The following CLASP1 variants were observed in gnomAD, a reference collection of about 807,000 sequenced individuals.
CLASP1 encodes the protein cytoplasmic linker associated protein 1, also known as CLIP-associating protein 1.
In CLASP1, 38 loss-of-function variants were observed where a neutral mutation model predicts 192.3. The observed-to-expected ratio is 0.20, with a 90% confidence interval of 0.15 to 0.26. The LOEUF is 0.26. Among genes scored for constraint, CLASP1 ranks in the 10% least tolerant of loss-of-function variants. CLASP1 has a pLI of 1.00. For missense variants in CLASP1, 1,433 were observed against 1,932.5 expected (o/e 0.74, Z 4.85); for synonymous variants, 691 against 712.8 (o/e 0.97, Z 0.49).
At chr2:121,638,223 T>C (rs2071270940) in intron 1 of CLASP1, among the ~76,000 whole-genome samples, 1 of 151,984 alleles carries the variant, frequency 6.6e-6, no homozygotes, top group African/African-American at 2.4e-5. Context: ...CCTAACAACT[T>C]AGTCATTAGG....
intron 11 of CLASP1, 123 bp from the exon 12 acceptor site, chr2:121,460,248 C>A: frequency 1.4e-6 from 1 of 709,882 alleles, no homozygotes; most frequent in Non-Finnish European, 2.2e-6. Flanking sequence ...GAAAGCTTTC[C>A]CAAAAGAATT....
At chr2:121,352,606 T>C (rs2064696410) in intron 37 of CLASP1, among the ~76,000 whole-genome samples, 1 of 152,196 alleles carries the variant, frequency 6.6e-6, no homozygotes, top group Admixed American at 6.5e-5. Context: ...GGCAAAAAAC[T>C]TCCTTGGTCT....
intron 1 of CLASP1, among the ~76,000 whole-genome samples, chr2:121,637,298 C>A (rs2071067854): frequency 1.3e-5 from 2 of 151,774 alleles, no homozygotes; most frequent in South Asian, 2.1e-4. Context: ...AAAATGAAGT[C>A]AAAAACCCAA....
chr2:121,566,774 T>G (rs959641728), intron 2 of CLASP1, among the ~76,000 whole-genome samples: 1 of 152,208 alleles, frequency 6.6e-6, no homozygotes, highest in Admixed American at 6.5e-5. Flanking sequence ...CATTACCTCT[T>G]ACCCACTGGA....
intron 37 of CLASP1, among the ~76,000 whole-genome samples, chr2:121,352,018 C>T (rs1463259703): frequency 6.6e-6 from 1 of 152,214 alleles, no homozygotes; most frequent in Non-Finnish European, 1.5e-5. Context: ...CCGGGCCACC[C>T]ATGCTCTGGT....
intron 9 of CLASP1, among the ~76,000 whole-genome samples, chr2:121,462,967 A>C (rs2088431560): frequency 6.6e-6 from 1 of 152,194 alleles, no homozygotes. Flanking sequence ...GAATAACTTA[A>C]ATTGTTATTA....
chr2:121,531,001 T>G lies in CLASP1; in HGVS notation c.196-676A>C. ...TTTTGCTTTATTTTGGTGCAATTTT[T>G]GGAAAAATGAAAACCTGTTTTCATA... On this transcript the variant is annotated intron_variant, in intron 2 of 39. Transcript: ENST00000263710. 1.4e-6 allele frequency: 1 copy of G among 700,274 alleles called. No homozygotes were observed. The highest frequency in any genetic ancestry group is 2.6e-6 in the Non-Finnish European group (1 of 384,752). The allele number at this position is 700,274 out of a possible 1,614,324, so 43.4% of individuals were successfully genotyped here.
chr2:121,443,890 T>A (rs2083827911), intron 19 of CLASP1, among the ~76,000 whole-genome samples: 1 of 152,152 alleles, frequency 6.6e-6, no homozygotes, highest in African/African-American at 2.4e-5. Context: ...GAAAGTAACA[T>A]ACGGATTAAA....
intron 2 of CLASP1, among the ~76,000 whole-genome samples, chr2:121,581,860 G>A (rs2061205012): frequency 6.6e-6 from 1 of 152,162 alleles, no homozygotes. Context: ...ACTCCCAACT[G>A]GACGACAAAG....
chr2:121,382,387 G>C, intron 32 of CLASP1, 63 bp from the exon 34 acceptor site: 25 of 968,116 alleles, frequency 2.6e-5, no homozygotes, highest in Non-Finnish European at 3.8e-5. Context: ...GAGGGGAGGA[G>C]GAAAGCACTA....
chr2:121,609,456 A>G (rs2064902120), intron 1 of CLASP1, among the ~76,000 whole-genome samples: 1 of 152,196 alleles, frequency 6.6e-6, no homozygotes, highest in South Asian at 2.1e-4. Context: ...TCTTAATTTA[A>G]AAAAGGTAAC....
In CLASP1 at chr2:121,640,436, GA is replaced by G. The variant is rs963187526; in HGVS notation, c.-286+8935del. Among the ~76,000 whole-genome samples the G allele has an allele frequency of 4.6e-5, 7 of 151,116 alleles. No homozygotes were observed. The East Asian group carries it at 5.8e-4, about 13-fold the overall frequency. ...TTTTACTACAATAAAACACTTGAAA[GA>G]AAAAAAAACTTTATCAGGTCTTCAG... On this transcript the variant is annotated intron_variant, in intron 1 of 39. Coordinates refer to ENST00000263710, the Ensembl canonical transcript of CLASP1.
chr2:121,398,692 GGATTCGCTCATTTTCCCTC>G (rs137942113), intron 28 of CLASP1, among the ~76,000 whole-genome samples: 5,634 of 152,160 alleles, frequency 0.037, 154 homozygotes, highest in East Asian at 0.14. Context: ...GCCTTTCTAG[GGATTCGCTCATTTTCCCTC>G]CAGCTACCTT....
chr2:121,514,923 G>T (rs910371333), intron 7 of CLASP1, among the ~76,000 whole-genome samples: 4 of 152,164 alleles, frequency 2.6e-5, no homozygotes, highest in Non-Finnish European at 5.9e-5. Flanking sequence ...GGCCTCTGGG[G>T]TTTCCATGGA....
chr2:121,414,952 G>GTT (rs58462620), intron 23 of CLASP1, among the ~76,000 whole-genome samples: 5,807 of 150,946 alleles, frequency 0.038, 153 homozygotes, highest in East Asian at 0.14. Flanking sequence ...ATTCGGCTTT[G>GTT]TTTTTTTTTG....
intron 7 of CLASP1, among the ~76,000 whole-genome samples, chr2:121,512,371 T>C (rs1359668896): frequency 2.0e-5 from 3 of 152,240 alleles, no homozygotes; most frequent in Non-Finnish European, 4.4e-5. Flanking sequence ...TATTAAGTTG[T>C]CAAGCATGCC....
intron 2 of CLASP1, chr2:121,530,544 C>T (rs1280988305): frequency 9.1e-6 from 5 of 546,962 alleles, no homozygotes; most frequent in Non-Finnish European, 1.6e-5. Flanking sequence ...TGAGGAGAAA[C>T]GAAATAAAAG....
chr2:121,411,059 G>A (rs2077626303), intron 23 of CLASP1, 90 bp from the exon 25 acceptor site: 1 of 778,490 alleles, frequency 1.3e-6, no homozygotes, highest in Non-Finnish European at 2.0e-6. Flanking sequence ...CCACCAAGTA[G>A]ACAGAAGTAC....
chr2:121,349,789 A>G lies in CLASP1; in HGVS notation c.4207-1071T>C, dbSNP rs141512283. Among the ~76,000 whole-genome samples, 84 of 152,310 alleles carry G rather than the reference A, an allele frequency of 5.5e-4. No individual in the cohort carries two copies. In the Middle Eastern group the frequency reaches 0.014, roughly 25 times the overall value. ...AGCCTCTGACCTCTGGAGGGCCACAAGACCCTTTTGTAATAAAGATGGAAG... is the reference window on the plus strand; with the variant it reads ...AGCCTCTGACCTCTGGAGGGCCACAGGACCCTTTTGTAATAAAGATGGAAG... On this transcript the variant is annotated intron_variant, in intron 37 of 39. Coordinates refer to ENST00000263710, the Ensembl canonical transcript of CLASP1.
Sources: gnomAD v4.1 joint callset for allele counts (sites outside exome capture counted in the v4.1 genomes callset) on GRCh38, gnomAD v4.1.1 for gene constraint, MANE v1.5 for transcripts, NCBI Gene and HGNC (gene_info 2026-07-23, HGNC 2026-07-21) for gene names.